ATP2A2: variants seen among roughly 807,000 people sequenced by gnomAD.
ATP2A2 encodes sarcoplasmic/endoplasmic reticulum calcium ATPase 2.
Under a neutral mutation model 109.3 loss-of-function variants are expected in ATP2A2, and 14 were observed. The observed-to-expected ratio is 0.13, with a 90% CI of 0.08 to 0.20. The LOEUF (loss-of-function observed/expected upper bound fraction) is 0.20. Among genes scored for constraint, ATP2A2 ranks in the 10% least tolerant of loss-of-function variants. The probability of loss-of-function intolerance (pLI) is 1.00; values close to 1 mark genes in which losing one functional copy is unlikely to be tolerated. For missense variants in ATP2A2, 657 were observed against 1,321.6 expected (o/e 0.50, Z 7.80); for synonymous variants, 506 against 490.9 (o/e 1.03, Z -0.41).
intron 5 of ATP2A2, among the ~76,000 whole-genome samples, chr12:110,317,329 C>T (rs1208959542): frequency 2.0e-5 from 3 of 151,992 alleles, no homozygotes; most frequent in African/African-American, 7.3e-5. Context: ...CTGGTGTTTG[C>T]CACAATAAAT....
chr12:110,347,261 C>CTAAA lies in ATP2A2; in HGVS notation c.*793_*794insAATA, dbSNP rs1555285526. On this transcript the variant is annotated 3_prime_UTR_variant, in exon 20 of 20. Coordinates refer to ENST00000539276, the MANE Select transcript of ATP2A2 (RefSeq NM_170665.4). ...ACAGACATTGTTTTGCCAACATTGC[C>CTAAA]TATTTCAGTGGCACGTCATCTAGTT... is the stretch of plus-strand genomic sequence containing the variant. 8.1e-7 allele frequency: 1 copy of CTAAA among 1,236,936 alleles called. No individual in the cohort carries two copies. Among genetic ancestry groups the CTAAA allele is most frequent in the Non-Finnish European group, 1.0e-6 (1 of 962,838 alleles). The allele number at this position is 1,236,936 out of a possible 1,614,324, so 76.6% of individuals were successfully genotyped here. A position where few individuals can be genotyped will look rare whatever the true frequency, so the allele number is the denominator to read the frequency against.
At position 110,309,140 on chromosome 12, in the gene ATP2A2, A is replaced by ATTTTTTT. The variant is rs10665212; in HGVS notation, c.463+12432_463+12438dup. Among the ~76,000 whole-genome samples the ATTTTTTT allele has an allele frequency of 3.4e-3, 164 of 48,916 alleles. 14 individuals are homozygous for ATTTTTTT. The highest frequency in any genetic ancestry group is 4.8e-3 in the South Asian group (4 of 842). 32.1% of individuals were successfully genotyped at this position (48,916 alleles called of 152,430 possible). ...ATGGAGAGAGAGTTTAAGGAAACTA[A>ATTTTTTT]TTTTTTTTTTTTTTTTTTTTTTTTT... is the stretch of plus-strand genomic sequence containing the variant. On this transcript the variant is annotated intron_variant, in intron 5 of 19. Coordinates refer to ENST00000539276, the MANE Select transcript of ATP2A2 (RefSeq NM_170665.4).
intron 19 of ATP2A2, 40 bp from the exon 20 acceptor site, chr12:110,346,161 G>A (rs368699399): frequency 6.2e-7 from 1 of 1,614,028 alleles, no homozygotes; most frequent in African/African-American, 1.3e-5. Context: ...CCTCCTTCCA[G>A]GGGAGGCTGG....
At chr12:110,338,320 T>C (rs1879035254) in intron 11 of ATP2A2, among the ~76,000 whole-genome samples, 1 of 152,372 alleles carries the variant, frequency 6.6e-6, no homozygotes, top group Middle Eastern at 3.4e-3. Context: ...GACAGCCACA[T>C]GAACAGTGGC....
Position 110,346,467 on chromosome 12 carries a change from TTGAC to T in ATP2A2, c.*2_*5del, listed in dbSNP as rs770908508. Reference sequence around the variant, plus strand: ...CTAACTTTAGCGATATGTTCTGGTCTTGACTGACAGTTTTCCATAAAGAAGATGT... The same window carrying T: ...CTAACTTTAGCGATATGTTCTGGTCTTGACAGTTTTCCATAAAGAAGATGT... On this transcript the variant is annotated stop_retained_variant and 3_prime_UTR_variant, in exon 20 of 20. Transcript: ENST00000539276. The T allele has an allele frequency of 6.2e-7, 1 of 1,614,226 alleles. No homozygotes were observed. Among genetic ancestry groups the T allele is most frequent in the South Asian group, 1.1e-5 (1 of 91,086 alleles).
intron 8 of ATP2A2, 49 bp from the exon 9 acceptor site, chr12:110,332,548 A>G (rs1482058570): frequency 5.4e-6 from 8 of 1,472,944 alleles, no homozygotes; most frequent in African/African-American, 1.4e-5. Context: ...TTTGTGTAGC[A>G]TTTTTTAAAA....
chr12:110,343,561 GC>G, intron 16 of ATP2A2, 127 bp downstream of exon 16: 3 of 1,083,302 alleles, frequency 2.8e-6, no homozygotes, highest in Non-Finnish European at 4.1e-6. Flanking sequence ...AGACAGAGAT[GC>G]CCTCTTACAG....
rs1191642240 is a variant in ATP2A2 at position 110,346,874 on chromosome 12, CT to C, written c.*408del. Reference sequence around the variant, plus strand: ...TAAAACTAAATAGCATGTATTGTGTCTTTTGCATGATGATCCGGATTTAATT... The same window carrying C: ...TAAAACTAAATAGCATGTATTGTGTCTTTGCATGATGATCCGGATTTAATT... On this transcript the variant is annotated 3_prime_UTR_variant, in exon 20 of 20. Coordinates refer to ENST00000539276, the MANE Select transcript of ATP2A2 (RefSeq NM_170665.4). The C allele has an allele frequency of 3.9e-5, 43 of 1,099,478 alleles. No individual in the cohort carries two copies. Among genetic ancestry groups the C allele is most frequent in the Non-Finnish European group, 4.7e-5 (42 of 899,240 alleles). The allele number at this position is 1,099,478 out of a possible 1,614,324, so 68.1% of individuals were successfully genotyped here.
intron 6 of ATP2A2, among the ~76,000 whole-genome samples, chr12:110,323,420 G>C (rs1260688874): frequency 6.6e-6 from 1 of 152,100 alleles, no homozygotes. Context: ...CCTGACCTCA[G>C]GTAATCCACC....
At position 110,348,242 on chromosome 12, in the gene ATP2A2, A is replaced by G; in HGVS notation, c.*1772A>G. On this transcript the variant is annotated 3_prime_UTR_variant, in exon 20 of 20. Transcript: ENST00000539276. ...CTCTGGGTATCGATAGGTTCGTCTT[A>G]AATAGGCCACTTCCCCACTCCCCCA... is the stretch of plus-strand genomic sequence containing the variant. The G allele has an allele frequency of 1.0e-6, 1 of 985,402 alleles. No individual in the cohort carries two copies. The allele number at this position is 985,402 out of a possible 1,614,324, so 61.0% of individuals were successfully genotyped here.
At chr12:110,322,668 T>TTAC (rs1174108453) in intron 5 of ATP2A2, among the ~76,000 whole-genome samples, 1 of 152,228 alleles carries the variant, frequency 6.6e-6, no homozygotes, top group Non-Finnish European at 1.5e-5. Context: ...AGACTTTTAC[T>TTAC]TACTGCTAAG....
Position 110,281,604 on chromosome 12 carries a change from G to C in ATP2A2, c.-186G>C. On this transcript the variant is annotated 5_prime_UTR_variant, in exon 1 of 20. Transcript: ENST00000539276. ...CGGAGCTCGGGGCCGCGCGAGGGGC[G>C]GTTGTCTGGGGGAGGGGGCGCGGGG... The C allele has an allele frequency of 2.7e-6, 1 of 371,834 alleles. No homozygotes were observed. The highest frequency in any genetic ancestry group is 4.8e-6 in the Non-Finnish European group (1 of 208,088). 23.0% of individuals were successfully genotyped at this position (371,834 alleles called of 1,614,324 possible).
In ATP2A2 at chr12:110,349,336, A is replaced by C. The variant is rs747888677; in HGVS notation, c.*2866A>C. ...CCTGCTGTCAGGCAGCTCTTGCCTG[A>C]AACTTACTTCCACATTCTTTCCTGA... On this transcript the variant is annotated 3_prime_UTR_variant, in exon 20 of 20. Coordinates refer to ENST00000539276, the MANE Select transcript of ATP2A2 (RefSeq NM_170665.4). 187 of 985,498 alleles carry C rather than the reference A, an allele frequency of 1.9e-4. No homozygotes were observed. Among genetic ancestry groups the C allele is most frequent in the Middle Eastern group, 1.0e-3 (2 of 1,914 alleles). The allele number at this position is 985,498 out of a possible 1,614,324, so 61.0% of individuals were successfully genotyped here.
chr12:110,292,134 A>G lies in ATP2A2; in HGVS notation c.324+10A>G. On this transcript the variant is annotated intron_variant, in intron 4 of 19. Coordinates refer to ENST00000539276, the MANE Select transcript of ATP2A2 (RefSeq NM_170665.4). ...TGTGGGTGTATGGCAGGTAAGCAAAAATTCCTGTACTGCAAAATTTCAATA... is the reference window on the plus strand; with the variant it reads ...TGTGGGTGTATGGCAGGTAAGCAAAGATTCCTGTACTGCAAAATTTCAATA... 6.3e-7 allele frequency: 1 copy of G among 1,598,954 alleles called. No individual in the cohort carries two copies. Among genetic ancestry groups the G allele is most frequent in the South Asian group, 1.1e-5 (1 of 90,792 alleles).
rs892547155 is a variant in ATP2A2, at chr12:110,341,143, G to T, written c.2097+149G>T. On this transcript the variant is annotated intron_variant, in intron 14 of 19. Coordinates refer to ENST00000539276, the MANE Select transcript of ATP2A2 (RefSeq NM_170665.4). ...TTCTCTAGAATTCGGTGAATCAGTG[G>T]TTAGCATGTTGTGTGCTACTTGCAG... is the stretch of plus-strand genomic sequence containing the variant. 3.3e-6 allele frequency: 3 copies of T among 913,818 alleles called. No homozygotes were observed. In the South Asian group the frequency reaches 4.6e-5, roughly 14 times the overall value. The allele number at this position is 913,818 out of a possible 1,614,324, so 56.6% of individuals were successfully genotyped here.
rs368230020 is a variant in ATP2A2, at chr12:110,321,026, A to G, written c.464-1966A>G. 2.0e-5 allele frequency among the ~76,000 whole-genome samples: 3 copies of G among 152,298 alleles called. No homozygotes were observed. In the East Asian group the frequency reaches 5.8e-4, roughly 29 times the overall value. ...GTGGATGCCTGAGGTCAGGAGTTTG[A>G]GATCAGTCTGGCTAACATAGTGAAA... On this transcript the variant is annotated intron_variant, in intron 5 of 19. Transcript: ENST00000539276.
chr12:110,288,471 C>T (rs1040257924), intron 3 of ATP2A2, among the ~76,000 whole-genome samples: 4 of 151,416 alleles, frequency 2.6e-5, no homozygotes, highest in Non-Finnish European at 4.4e-5. Flanking sequence ...ATGGCGCGAT[C>T]TCGGCTCGCT....
At chr12:110,302,584 C>CTATTATTATTATTAT (rs10568177) in intron 5 of ATP2A2, among the ~76,000 whole-genome samples, 5 of 146,496 alleles carry the variant, frequency 3.4e-5, no homozygotes, top group African/African-American at 1.2e-4. Context: ...ATTTTTATTA[C>CTATTATTATTATTAT]TATTATTATT....
chr12:110,306,760 C>T (rs1875384903), intron 5 of ATP2A2, among the ~76,000 whole-genome samples: 1 of 151,980 alleles, frequency 6.6e-6, no homozygotes. Flanking sequence ...TAGGGTCTCA[C>T]TCTGTCGCCC....
Sources: allele counts gnomAD v4.1 joint callset (sites outside exome capture counted in the v4.1 genomes callset), GRCh38; gene constraint gnomAD v4.1.1; transcripts MANE v1.5; gene names NCBI Gene and HGNC (gene_info 2026-07-23, HGNC 2026-07-21).